Variants in NOX5 observed in about 807,000 individuals in gnomAD.
The protein encoded by NOX5 is NADPH oxidase 5, also known as NADPH oxidase, EF-hand calcium binding domain 5.
A neutral mutation model predicts 85.7 loss-of-function variants in NOX5; 76 were observed. The observed-to-expected ratio is 0.89, with a 90% confidence interval of 0.74 to 1.07. The LOEUF is 1.07. NOX5 is among the 50% of genes least tolerant of loss of function. The pLI is 0.00. For missense variants in NOX5, 973 were observed against 999.5 expected (o/e 0.97, Z 0.36); for synonymous variants, 405 against 401.4 (o/e 1.01, Z -0.11).
rs745997440 is a variant in NOX5 at position 69,033,061 on chromosome 15, G to T, written c.639G>T (p.Thr213=). 1.9e-6 allele frequency: 3 copies of T among 1,552,696 alleles called. No homozygotes were observed. The highest frequency in any genetic ancestry group is 4.7e-5 in the East Asian group (2 of 42,328). Residue 213 remains threonine, a synonymous_variant, in exon 5 of 16, where the codon ACG becomes ACT. Transcript: ENST00000388866. ...CTCGCAGCGCTGCCCACTGGCTGAC[G>T]GCCCCCGCCCCCCGCCCACGCCCGC... ...NLTISAAHWL[T]APAPRPRPRR...
chr15:69,035,643 A>G (rs2050505393), intron 6 of NOX5, 115 bp from the exon 7 acceptor site: 3 of 1,556,498 alleles, frequency 1.9e-6, no homozygotes, highest in Middle Eastern at 2.2e-4. Flanking sequence ...AACGCTCTGG[A>G]CAAAAGTTTC....
chr15:69,015,262 C>T (rs1160158167), intron 1 of NOX5, among the ~76,000 whole-genome samples: 2 of 152,162 alleles, frequency 1.3e-5, no homozygotes, highest in African/African-American at 4.8e-5. Flanking sequence ...GTGTTACCTT[C>T]CTTCCCACCC....
At chr15:69,029,624 A>G (rs933755499) in intron 3 of NOX5, 2 of 151,304 alleles carry the variant, frequency 1.3e-5, no homozygotes, top group African/African-American at 4.9e-5. Flanking sequence ...CATTCCTACC[A>G]GTAATGTACA....
intron 14 of NOX5, 86 bp downstream of exon 14, chr15:69,049,144 T>C: frequency 4.5e-6 from 3 of 664,720 alleles, no homozygotes; most frequent in Non-Finnish European, 4.9e-6. Context: ...GATATGAAAC[T>C]CACGTAACCT....
intron 14 of NOX5, among the ~76,000 whole-genome samples, chr15:69,053,057 G>C (rs556802354): frequency 2.2e-4 from 33 of 152,148 alleles, no homozygotes; most frequent in African/African-American, 6.3e-4. Flanking sequence ...TTTCTTTCAG[G>C]GTTTCTCATT....
At chr15:69,052,372 T>C (rs2050759986) in intron 14 of NOX5, among the ~76,000 whole-genome samples, 1 of 152,260 alleles carries the variant, frequency 6.6e-6, no homozygotes, top group South Asian at 2.1e-4. Context: ...CTGGATCATA[T>C]CATAGTCTTC....
chr15:69,045,572 C>T (rs866309978), intron 10 of NOX5, among the ~76,000 whole-genome samples: 347 of 10,314 alleles, frequency 0.034, no homozygotes, highest in African/African-American at 0.072. Context: ...TTCTTTCTTC[C>T]CTTTCTTTCT....
rs758804905 is a variant in NOX5, at chr15:69,035,948, G to T, written c.1188+12G>T. 10 of 1,613,552 alleles carry T rather than the reference G, an allele frequency of 6.2e-6. No homozygotes were observed. In the Admixed American group the frequency reaches 1.7e-4, roughly 27 times the overall value. The stretch of plus-strand genomic sequence containing the variant: ...GTGGCCACTTTGAGGTGCCCCAGTT[G>T]CTGCCCTTTTGCTTCCCCCAAGGCC... On this transcript the variant is annotated intron_variant, in intron 7 of 15. Transcript: ENST00000388866.
intron 1 of NOX5, among the ~76,000 whole-genome samples, chr15:69,020,433 A>T (rs1422355078): frequency 6.6e-6 from 1 of 152,108 alleles, no homozygotes; most frequent in African/African-American, 2.4e-5. Context: ...TTAGGCATTT[A>T]TAATTTGATC....
At chr15:69,031,959 C>A in intron 4 of NOX5, 147 bp downstream of exon 4, 1 of 795,956 alleles carries the variant, frequency 1.3e-6, no homozygotes, top group Non-Finnish European at 1.9e-6. Context: ...GAGTGTACTG[C>A]AGGGCAGCTG....
intron 4 of NOX5, among the ~76,000 whole-genome samples, chr15:69,032,800 A>C (rs1346694347): frequency 6.6e-6 from 1 of 152,102 alleles, no homozygotes; most frequent in Admixed American, 6.5e-5. Context: ...TTAAAATTGG[A>C]AAGTAAAGAG....
In NOX5 at chr15:69,060,942, T is replaced by C. The variant is rs1383598498; in HGVS notation, c.*4246T>C. ...AGCCAGCCATCCTGATGCGTTTTCT[T>C]GCTGATGGCCGATGATGCCCAAATG... On this transcript the variant is annotated 3_prime_UTR_variant, in exon 16 of 16. Transcript: ENST00000388866. 1.3e-5 allele frequency: 2 copies of C among 152,240 alleles called. No homozygotes were observed. The highest frequency in any genetic ancestry group is 2.9e-5 in the Non-Finnish European group (2 of 68,038). 9.4% of individuals were successfully genotyped at this position (152,240 alleles called of 1,614,324 possible). A position where few individuals can be genotyped will look rare whatever the true frequency, so the allele number is the denominator to read the frequency against.
In NOX5 at chr15:69,056,856, G is replaced by A; in HGVS notation, c.*160G>A. ...CAACAGAGAGAACAGGAGACCCCAA[G>A]GGGCAGATGAACTTCCTCTAGAACC... is the stretch of plus-strand genomic sequence containing the variant. On this transcript the variant is annotated 3_prime_UTR_variant, in exon 16 of 16. Coordinates refer to ENST00000388866, the MANE Select transcript of NOX5 (RefSeq NM_024505.4). The A allele has an allele frequency of 1.2e-6, 1 of 820,944 alleles. No individual in the cohort carries two copies. Among genetic ancestry groups the A allele is most frequent in the Non-Finnish European group, 1.8e-6 (1 of 548,550 alleles). 50.9% of individuals were successfully genotyped at this position (820,944 alleles called of 1,614,324 possible).
chr15:69,018,836 T>A (rs1045156563), intron 1 of NOX5, among the ~76,000 whole-genome samples: 2 of 152,120 alleles, frequency 1.3e-5, no homozygotes, highest in East Asian at 1.9e-4. Flanking sequence ...TGGAGAGGGA[T>A]TTTTTGTTTG....
chr15:69,055,225 A>T, intron 14 of NOX5, 109 bp from the exon 15 acceptor site: 5 of 1,210,430 alleles, frequency 4.1e-6, no homozygotes, highest in Non-Finnish European at 5.8e-6. Context: ...TGGGCAAAAG[A>T]CCTATGGGTC....
At chr15:69,039,019 A>G in intron 9 of NOX5, 30 bp downstream of exon 9, 2 of 1,612,492 alleles carry the variant, frequency 1.2e-6, no homozygotes, top group Non-Finnish European at 1.7e-6. Flanking sequence ...GTCACTCTGC[A>G]CATATTCACT....
chr15:69,028,700 T>C lies in NOX5; in HGVS notation c.325+335T>C, dbSNP rs913741166. 1.6e-5 allele frequency: 3 copies of C among 183,528 alleles called. No homozygotes were observed. The Admixed American group carries it at 1.7e-4, about 11-fold the overall frequency. The allele number at this position is 183,528 out of a possible 1,614,324, so 11.4% of individuals were successfully genotyped here. A position where few individuals can be genotyped will look rare whatever the true frequency, so the allele number is the denominator to read the frequency against. On this transcript the variant is annotated intron_variant, in intron 3 of 15. Coordinates refer to ENST00000388866, the MANE Select transcript of NOX5 (RefSeq NM_024505.4). ...GAAAAAGAAAATCTCTGTTGTTTTT[T>C]CCTTTTCCTCATAGTATAAGCTCAC...
rs2050314183 is a variant in NOX5, at chr15:69,023,078, CAAT to C, written c.51-3444_51-3442del. 3 of 432,142 alleles carry C rather than the reference CAAT, an allele frequency of 6.9e-6. No individual in the cohort carries two copies. In the Admixed American group the frequency reaches 8.4e-5, roughly 12 times the overall value. The allele number at this position is 432,142 out of a possible 1,614,324, so 26.8% of individuals were successfully genotyped here. Reference sequence around the variant, plus strand: ...CATCAACTGGTTACCACTGTGAGTTCAATAATAACCCTGCAGACTTCTTCCTGG... The same window carrying C: ...CATCAACTGGTTACCACTGTGAGTTCAATAACCCTGCAGACTTCTTCCTGG... On this transcript the variant is annotated intron_variant, in intron 1 of 15. Transcript: ENST00000388866.
intron 1 of NOX5, among the ~76,000 whole-genome samples, chr15:69,021,506 T>G (rs1234374923): frequency 6.6e-6 from 1 of 152,132 alleles, no homozygotes; most frequent in Non-Finnish European, 1.5e-5. Context: ...TTAGTAGAGA[T>G]GGGGTTTCAC....
Sources: allele counts gnomAD v4.1 joint callset (sites outside exome capture counted in the v4.1 genomes callset), GRCh38; gene constraint gnomAD v4.1.1; transcripts MANE v1.5; gene names NCBI Gene and HGNC (gene_info 2026-07-23, HGNC 2026-07-21).